The following KCNH8 variants were observed in gnomAD, a reference collection of about 807,000 sequenced individuals.
The protein encoded by KCNH8 is potassium voltage-gated channel subfamily H member 8.
A neutral mutation model predicts 103.6 loss-of-function variants in KCNH8; 70 were observed. The ratio of observed to expected loss-of-function variants is 0.68; its 90% CI spans 0.56 to 0.82. KCNH8 has a LOEUF of 0.82. Ranked by LOEUF, KCNH8 falls within the 40% of genes least tolerant of loss-of-function variation. The pLI is 0.00. For missense variants in KCNH8, 1,217 were observed against 1,329.9 expected (o/e 0.92, Z 1.32); for synonymous variants, 498 against 489.4 (o/e 1.02, Z -0.23).
intron 7 of KCNH8, among the ~76,000 whole-genome samples, chr3:19,412,487 G>C (rs944198829): frequency 6.6e-6 from 1 of 151,914 alleles, no homozygotes; most frequent in African/African-American, 2.4e-5. Flanking sequence ...CCTTGGGAAA[G>C]AATTTATAAC....
chr3:19,525,612 CCTGAGCTTGCAGAAA>C (rs2069051193), intron 15 of KCNH8, among the ~76,000 whole-genome samples: 1 of 151,870 alleles, frequency 6.6e-6, no homozygotes, highest in Non-Finnish European at 1.5e-5. Flanking sequence ...TGTCCAAAGG[CCTGAGCTTGCAGAAA>C]CTCAACGAAG....
chr3:19,434,280 A>T (rs762398223), intron 7 of KCNH8, among the ~76,000 whole-genome samples: 1 of 152,258 alleles, frequency 6.6e-6, no homozygotes, highest in Non-Finnish European at 1.5e-5. Context: ...TGAAGTATAG[A>T]TATTTTAAGA....
chr3:19,354,391 A>G (rs946719858), intron 5 of KCNH8, among the ~76,000 whole-genome samples: 5 of 152,316 alleles, frequency 3.3e-5, no homozygotes, highest in South Asian at 2.1e-4. Context: ...TTTAAAGTTC[A>G]TATGGAACCA....
At chr3:19,524,203 C>A (rs2069022884) in intron 15 of KCNH8, among the ~76,000 whole-genome samples, 2 of 151,840 alleles carry the variant, frequency 1.3e-5, no homozygotes, top group Admixed American at 1.3e-4. Context: ...AACACACTGA[C>A]AGAATTGTCA....
At chr3:19,385,622 T>A (rs1395459491) in intron 5 of KCNH8, among the ~76,000 whole-genome samples, 1 of 152,168 alleles carries the variant, frequency 6.6e-6, no homozygotes, top group East Asian at 1.9e-4. Context: ...AAGGGTCAAG[T>A]GATATGAAAC....
At chr3:19,478,253 A>C (rs969160784) in intron 11 of KCNH8, among the ~76,000 whole-genome samples, 3 of 151,590 alleles carry the variant, frequency 2.0e-5, no homozygotes, top group African/African-American at 7.3e-5. Context: ...TTATGAATGC[A>C]GGTATCATTT....
intron 1 of KCNH8, among the ~76,000 whole-genome samples, chr3:19,238,257 T>G (rs1199482157): frequency 5.3e-5 from 8 of 152,192 alleles, no homozygotes; most frequent in Admixed American, 5.2e-4. Context: ...ATGCTGAGAT[T>G]AAATCTTTCC....
chr3:19,168,198 TTG>T (rs1316285709), intron 1 of KCNH8, among the ~76,000 whole-genome samples: 1 of 151,860 alleles, frequency 6.6e-6, no homozygotes, highest in African/African-American at 2.4e-5. Context: ...GTTTGTTTGT[TTG>T]TATTTTTAGT....
intron 11 of KCNH8, among the ~76,000 whole-genome samples, chr3:19,466,786 C>T (rs368079953): frequency 2.1e-4 from 32 of 150,232 alleles, no homozygotes; most frequent in East Asian, 7.9e-4. Flanking sequence ...CTCAGCCTCC[C>T]GAGTAGCTGG....
At chr3:19,386,334 T>C (rs2066355929) in intron 5 of KCNH8, among the ~76,000 whole-genome samples, 1 of 152,186 alleles carries the variant, frequency 6.6e-6, no homozygotes, top group South Asian at 2.1e-4. Context: ...TCTGAAGCAT[T>C]AGATAATTCA....
intron 8 of KCNH8, among the ~76,000 whole-genome samples, chr3:19,446,214 G>T (rs1456913401): frequency 6.6e-6 from 1 of 151,776 alleles, no homozygotes; most frequent in Non-Finnish European, 1.5e-5. Context: ...TTCATACTAA[G>T]CAGTGACTGC....
chr3:19,475,060 C>G (rs189037278), intron 11 of KCNH8, among the ~76,000 whole-genome samples: 1 of 152,206 alleles, frequency 6.6e-6, no homozygotes, highest in East Asian at 1.9e-4. Flanking sequence ...GAGTTTCCTG[C>G]AACCCCCAAA....
chr3:19,283,108 A>G (rs2064778644), intron 3 of KCNH8, among the ~76,000 whole-genome samples: 1 of 152,090 alleles, frequency 6.6e-6, no homozygotes, highest in South Asian at 2.1e-4. Flanking sequence ...AACTTAATCA[A>G]ATTATATTCT....
intron 3 of KCNH8, among the ~76,000 whole-genome samples, chr3:19,320,047 G>A (rs2065329020): frequency 6.6e-6 from 1 of 151,868 alleles, no homozygotes; most frequent in African/African-American, 2.4e-5. Flanking sequence ...ACCTGTTCTG[G>A]GAGTTTTTTG....
At chr3:19,436,247 A>T (rs1056171892) in intron 7 of KCNH8, among the ~76,000 whole-genome samples, 2 of 151,984 alleles carry the variant, frequency 1.3e-5, no homozygotes, top group African/African-American at 4.8e-5. Context: ...ATTCTACTTT[A>T]TGTTGTGTAT....
At chr3:19,269,069 G>A (rs2125264797) in intron 2 of KCNH8, among the ~76,000 whole-genome samples, 1 of 152,164 alleles carries the variant, frequency 6.6e-6, no homozygotes, top group Non-Finnish European at 1.5e-5. Context: ...AAGGACTAGG[G>A]TGTGGATTTT....
intron 15 of KCNH8, among the ~76,000 whole-genome samples, chr3:19,522,670 C>T (rs1009948099): frequency 6.6e-6 from 1 of 151,882 alleles, no homozygotes; most frequent in Non-Finnish European, 1.5e-5. Flanking sequence ...ACTATCACAT[C>T]CAACAAATGT....
intron 2 of KCNH8, among the ~76,000 whole-genome samples, chr3:19,261,172 C>T (rs1208107158): frequency 6.6e-6 from 1 of 151,378 alleles, no homozygotes; most frequent in South Asian, 2.1e-4. Context: ...TAGGAACCCC[C>T]ATACTGTTTT....
intron 1 of KCNH8, among the ~76,000 whole-genome samples, chr3:19,157,541 A>G (rs1327134437): frequency 6.6e-6 from 1 of 152,104 alleles, no homozygotes; most frequent in Non-Finnish European, 1.5e-5. Flanking sequence ...TATATATTGT[A>G]TTATTGCTTC....
Sources: gnomAD v4.1 joint callset for allele counts (sites outside exome capture counted in the v4.1 genomes callset) on GRCh38, gnomAD v4.1.1 for gene constraint, MANE v1.5 for transcripts, NCBI Gene and HGNC (gene_info 2026-07-23, HGNC 2026-07-21) for gene names.